The following MED13L variants were observed in gnomAD, a reference collection of about 807,000 sequenced individuals.
The protein encoded by MED13L is mediator complex subunit 13L, also known as mediator of RNA polymerase II transcription subunit 13-like.
Under a neutral mutation model 220.9 loss-of-function variants are expected in MED13L, and 7 were observed. The observed-to-expected ratio is 0.03, with a 90% CI of 0.02 to 0.06. MED13L has a LOEUF of 0.06. Among genes scored for constraint, MED13L ranks in the 10% least tolerant of loss-of-function variants. MED13L has a pLI of 1.00. For synonymous variants in MED13L, 1,011 were observed against 1,015.2 expected (o/e 1.00, Z 0.08); for missense variants, 1,965 against 2,760.5 (o/e 0.71, Z 6.46).
At chr12:116,065,100 G>A (rs952283930) in intron 4 of MED13L, among the ~76,000 whole-genome samples, 1 of 152,022 alleles carries the variant, frequency 6.6e-6, no homozygotes, top group Non-Finnish European at 1.5e-5. Context: ...AAAATCAAAT[G>A]TCCCAGCAAC....
chr12:116,104,151 C>A (rs1282792634), intron 3 of MED13L, among the ~76,000 whole-genome samples: 2 of 151,938 alleles, frequency 1.3e-5, no homozygotes, highest in Non-Finnish European at 2.9e-5. Context: ...GCTGGGATTA[C>A]AGGCATGTGC....
chr12:116,169,981 C>T (rs1016596415), intron 2 of MED13L, among the ~76,000 whole-genome samples: 7 of 152,192 alleles, frequency 4.6e-5, no homozygotes, highest in Non-Finnish European at 8.8e-5. Context: ...CACGCCACTG[C>T]ACTCCTGTCT....
Position 116,038,240 on chromosome 12 carries a change from A to G in MED13L, c.480-15639T>C, listed in dbSNP as rs551719746. Among the ~76,000 whole-genome samples, 4 of 152,082 alleles carry G rather than the reference A, an allele frequency of 2.6e-5. No individual in the cohort carries two copies. The East Asian group carries it at 7.7e-4, about 29-fold the overall frequency. On this transcript the variant is annotated intron_variant, in intron 4 of 30. Transcript: ENST00000281928. ...GGTTACTTTAAAGATAGGGACAAGC[A>G]AGGTATAAGACATGGGGGATGATGA...
intron 1 of MED13L, among the ~76,000 whole-genome samples, chr12:116,259,931 G>A (rs1872380728): frequency 6.6e-6 from 1 of 151,286 alleles, no homozygotes; most frequent in Non-Finnish European, 1.5e-5. Context: ...CATGGGAAAT[G>A]TTAGTGAGTA....
At chr12:116,092,199 CATAG>C (rs1872280837) in intron 4 of MED13L, among the ~76,000 whole-genome samples, 1 of 152,182 alleles carries the variant, frequency 6.6e-6, no homozygotes. Context: ...CAGAAAAAAT[CATAG>C]ATAGCTACTG....
At chr12:116,161,225 A>G (rs1399904833) in intron 2 of MED13L, among the ~76,000 whole-genome samples, 1 of 152,192 alleles carries the variant, frequency 6.6e-6, no homozygotes, top group Non-Finnish European at 1.5e-5. Context: ...CCAGGGATTA[A>G]GTTTCTAACA....
intron 2 of MED13L, among the ~76,000 whole-genome samples, chr12:116,168,018 T>C (rs755612731): frequency 6.6e-6 from 1 of 152,178 alleles, no homozygotes; most frequent in Non-Finnish European, 1.5e-5. Flanking sequence ...CACTTTATAG[T>C]GATTCGCCAC....
intron 4 of MED13L, among the ~76,000 whole-genome samples, chr12:116,048,059 G>GA (rs1236041597): frequency 1.3e-5 from 2 of 150,336 alleles, no homozygotes; most frequent in Non-Finnish European, 3.0e-5. Context: ...GAGACAAGTT[G>GA]AAAAGCTTGT....
At chr12:116,118,511 A>G (rs1481222590) in intron 2 of MED13L, among the ~76,000 whole-genome samples, 1 of 152,184 alleles carries the variant, frequency 6.6e-6, no homozygotes. Context: ...ACTCTAATAA[A>G]TACTATCAAT....
chr12:116,093,188 C>CT (rs1372472038), intron 4 of MED13L, among the ~76,000 whole-genome samples: 5 of 152,042 alleles, frequency 3.3e-5, no homozygotes, highest in African/African-American at 1.2e-4. Flanking sequence ...AATGCAAAAG[C>CT]TTTTTTTCAA....
intron 17 of MED13L, among the ~76,000 whole-genome samples, chr12:115,987,540 T>C (rs191352792): frequency 3.1e-4 from 47 of 152,282 alleles, no homozygotes; most frequent in African/African-American, 1.1e-3. Context: ...AATGGAAGAA[T>C]TGTTTAAAAG....
intron 2 of MED13L, among the ~76,000 whole-genome samples, chr12:116,131,809 T>G (rs964053735): frequency 6.6e-6 from 1 of 151,928 alleles, no homozygotes; most frequent in African/African-American, 2.4e-5. Context: ...CAAAACCTTA[T>G]CTCTACCAGA....
At chr12:116,150,388 A>C (rs1207185908) in intron 2 of MED13L, among the ~76,000 whole-genome samples, 1 of 152,228 alleles carries the variant, frequency 6.6e-6, no homozygotes, top group Non-Finnish European at 1.5e-5. Context: ...GAAGGCAAAA[A>C]ATAAGTCATT....
intron 16 of MED13L, among the ~76,000 whole-genome samples, chr12:115,992,223 T>A (rs2137309874): frequency 6.6e-6 from 1 of 152,314 alleles, no homozygotes; most frequent in Non-Finnish European, 1.5e-5. Flanking sequence ...AGCATCCTCA[T>A]CCTAACCTCT....
intron 2 of MED13L, among the ~76,000 whole-genome samples, chr12:116,126,332 T>C (rs1162934955): frequency 6.6e-6 from 1 of 152,150 alleles, no homozygotes; most frequent in Non-Finnish European, 1.5e-5. Context: ...GGCATTTTGG[T>C]TGCAAAGTTA....
At chr12:116,180,861 CTATAT>C (rs1880468937) in intron 2 of MED13L, among the ~76,000 whole-genome samples, 1 of 151,744 alleles carries the variant, frequency 6.6e-6, no homozygotes, top group African/African-American at 2.4e-5. Context: ...TTCTTCCTTA[CTATAT>C]AATTACATTG....
At chr12:115,981,802 T>C (rs1877347924) in intron 22 of MED13L, 2 of 152,680 alleles carry the variant, frequency 1.3e-5, no homozygotes, top group Admixed American at 6.5e-5. Flanking sequence ...AGGTAGAAAA[T>C]AAGTTATATT....
chr12:116,263,486 C>A (rs1181308790), intron 1 of MED13L, among the ~76,000 whole-genome samples: 1 of 152,158 alleles, frequency 6.6e-6, no homozygotes, highest in Non-Finnish European at 1.5e-5. Context: ...ACTATTCAGG[C>A]AGACTACTAT....
chr12:116,048,521 T>C (rs1881972840), intron 4 of MED13L, among the ~76,000 whole-genome samples: 1 of 152,090 alleles, frequency 6.6e-6, no homozygotes, highest in South Asian at 2.1e-4. Flanking sequence ...ACAGTAAAAG[T>C]TGAAAAGAAA....
Sources: gnomAD v4.1 joint callset for allele counts (sites outside exome capture counted in the v4.1 genomes callset) on GRCh38, gnomAD v4.1.1 for gene constraint, MANE v1.5 for transcripts, NCBI Gene and HGNC (gene_info 2026-07-23, HGNC 2026-07-21) for gene names.